Variants in RAD51B observed in about 807,000 individuals in gnomAD.
RAD51B encodes the protein DNA repair protein RAD51 homolog 2.
Under a neutral mutation model 42.2 loss-of-function variants are expected in RAD51B, and 38 were observed. That is an observed-to-expected ratio of 0.90 (90% CI 0.70 to 1.18). RAD51B has a LOEUF of 1.18. Ranked by LOEUF, RAD51B falls within the 50% of genes most tolerant of loss-of-function variation. The probability of loss-of-function intolerance (pLI) is 0.00; values close to 1 mark genes in which losing one functional copy is unlikely to be tolerated. For synonymous variants in RAD51B, 154 were observed against 145.2 expected, an observed-to-expected ratio of 1.06 and a Z score of -0.43; for missense variants, 373 against 400.7, an observed-to-expected ratio of 0.93 and a Z score of 0.59.
intron 11 of RAD51B, among the ~76,000 whole-genome samples, chr14:68,651,433 G>T (rs1166470407): frequency 6.6e-6 from 1 of 152,192 alleles, no homozygotes; most frequent in African/African-American, 2.4e-5. Flanking sequence ...CTAAAGTGCT[G>T]GGATTACAGG....
chr14:68,474,193 A>G (rs764365890), intron 10 of RAD51B, among the ~76,000 whole-genome samples: 5 of 152,048 alleles, frequency 3.3e-5, no homozygotes, highest in Non-Finnish European at 7.3e-5. Context: ...TTCACTAGGT[A>G]TATATAAAAA....
intron 7 of RAD51B, among the ~76,000 whole-genome samples, chr14:67,960,140 T>C (rs1320215973): frequency 6.6e-6 from 1 of 151,956 alleles, no homozygotes; most frequent in Admixed American, 6.6e-5. Flanking sequence ...AATAGAAATA[T>C]GCAAACATAA....
At chr14:67,986,768 G>T (rs982267549) in intron 7 of RAD51B, among the ~76,000 whole-genome samples, 1 of 152,132 alleles carries the variant, frequency 6.6e-6, no homozygotes, top group Non-Finnish European at 1.5e-5. Flanking sequence ...GTTTCGCTCT[G>T]TTGCTCAGGC....
At chr14:67,915,950 C>T (rs1159741017) in intron 7 of RAD51B, among the ~76,000 whole-genome samples, 4 of 152,102 alleles carry the variant, frequency 2.6e-5, no homozygotes, top group South Asian at 2.1e-4. Flanking sequence ...CTAAAATACA[C>T]AATAGCACAT....
At chr14:68,121,690 A>T (rs2077654809) in intron 7 of RAD51B, among the ~76,000 whole-genome samples, 1 of 152,216 alleles carries the variant, frequency 6.6e-6, no homozygotes, top group South Asian at 2.1e-4. Flanking sequence ...GAAAGGAGGC[A>T]TATTAACTAT....
At chr14:67,933,673 C>A (rs987464161) in intron 7 of RAD51B, among the ~76,000 whole-genome samples, 3 of 152,208 alleles carry the variant, frequency 2.0e-5, no homozygotes, top group Admixed American at 6.5e-5. Context: ...TTGCTTCCTT[C>A]TCCTTCTTTG....
intron 7 of RAD51B, among the ~76,000 whole-genome samples, chr14:67,958,079 A>T (rs149900755): frequency 1.5e-3 from 231 of 152,328 alleles, no homozygotes; most frequent in African/African-American, 5.3e-3. Flanking sequence ...TTCTGGGCTA[A>T]TGGCAGCCGT....
chr14:68,203,135 A>G, intron 7 of RAD51B, among the ~76,000 whole-genome samples: 1 of 152,174 alleles, frequency 6.6e-6, no homozygotes, highest in Non-Finnish European at 1.5e-5. Context: ...AATCTTTTCC[A>G]GAACGTTCCC....
intron 10 of RAD51B, among the ~76,000 whole-genome samples, chr14:68,573,298 C>T (rs544578343): frequency 5.3e-5 from 8 of 152,142 alleles, no homozygotes; most frequent in Non-Finnish European, 1.0e-4. Context: ...GCTGTGCCCC[C>T]TCGCACTCTC....
chr14:68,637,244 A>G (rs1354234156), intron 10 of RAD51B, among the ~76,000 whole-genome samples: 1 of 152,018 alleles, frequency 6.6e-6, no homozygotes, highest in Admixed American at 6.6e-5. Context: ...ACACCTGGCT[A>G]ATTTTTTAAT....
At chr14:68,201,132 G>A (rs560852999) in intron 7 of RAD51B, among the ~76,000 whole-genome samples, 3 of 152,170 alleles carry the variant, frequency 2.0e-5, no homozygotes, top group South Asian at 2.1e-4. Context: ...CATATTCGGA[G>A]TTTCATATTG....
At chr14:68,288,587 A>C (rs2081457210) in intron 7 of RAD51B, among the ~76,000 whole-genome samples, 1 of 152,228 alleles carries the variant, frequency 6.6e-6, no homozygotes, top group Non-Finnish European at 1.5e-5. Flanking sequence ...TAAAACCGTC[A>C]TCTCAGTACA....
chr14:68,463,861 G>C (rs1297489192), intron 9 of RAD51B, among the ~76,000 whole-genome samples: 6 of 152,096 alleles, frequency 3.9e-5, no homozygotes, highest in Non-Finnish European at 7.4e-5. Flanking sequence ...TGGTTTCCTG[G>C]GTGAGGAGGA....
chr14:68,109,306 T>C (rs1342713036), intron 7 of RAD51B, among the ~76,000 whole-genome samples: 2 of 152,006 alleles, frequency 1.3e-5, no homozygotes, highest in Admixed American at 1.3e-4. Context: ...GAATATGACT[T>C]TTATAATGTG....
At chr14:68,250,764 C>G (rs188563478) in intron 7 of RAD51B, among the ~76,000 whole-genome samples, 27 of 152,204 alleles carry the variant, frequency 1.8e-4, no homozygotes, top group Admixed American at 1.6e-3. Flanking sequence ...GGTCTGGGGT[C>G]TAACAGAAGA....
chr14:68,075,092 T>C (rs1052370862), intron 7 of RAD51B, among the ~76,000 whole-genome samples: 3 of 152,170 alleles, frequency 2.0e-5, no homozygotes, highest in Non-Finnish European at 4.4e-5. Context: ...CTTTCACTTG[T>C]TTCTTGAGGC....
At chr14:67,858,403 T>G (rs972499769) in intron 4 of RAD51B, among the ~76,000 whole-genome samples, 2 of 152,196 alleles carry the variant, frequency 1.3e-5, no homozygotes, top group Non-Finnish European at 2.9e-5. Context: ...GGGTCATCTC[T>G]TCCCCGAAGT....
At chr14:68,576,977 GTT>G (rs1431428766) in intron 10 of RAD51B, among the ~76,000 whole-genome samples, 2 of 152,214 alleles carry the variant, frequency 1.3e-5, no homozygotes, top group African/African-American at 4.8e-5. Context: ...TCCGTTTGTG[GTT>G]TGCTGAGATT....
At chr14:67,890,749 G>A (rs1467300814) in intron 7 of RAD51B, among the ~76,000 whole-genome samples, 1 of 151,292 alleles carries the variant, frequency 6.6e-6, no homozygotes, top group Admixed American at 6.6e-5. Flanking sequence ...GTACAATTAA[G>A]GTTTATGAAA....
Sources: allele counts gnomAD v4.1 joint callset (sites outside exome capture counted in the v4.1 genomes callset), GRCh38; gene constraint gnomAD v4.1.1; transcripts MANE v1.5; gene names NCBI Gene and HGNC (gene_info 2026-07-23, HGNC 2026-07-21).